The following NDUFAF7 variants were observed in gnomAD, a reference collection of about 807,000 sequenced individuals.
NDUFAF7 encodes NADH:ubiquinone oxidoreductase complex assembly factor 7.
In NDUFAF7, 48 loss-of-function variants were observed where a neutral mutation model predicts 47.2. The ratio of observed to expected loss-of-function variants is 1.02; its 90% CI spans 0.81 to 1.29. NDUFAF7 has a LOEUF of 1.29. Among genes scored for constraint, NDUFAF7 ranks in the 50% most tolerant of loss-of-function variants. The pLI is 0.00. For synonymous variants in NDUFAF7, 217 were observed against 190.0 expected, an observed-to-expected ratio of 1.14 and a Z score of -1.17; for missense variants, 635 against 537.6, an observed-to-expected ratio of 1.18 and a Z score of -1.79.
In NDUFAF7 at chr2:37,231,774, C is replaced by A. The variant is rs1286273639; in HGVS notation, c.55+14C>A. The A allele has an allele frequency of 6.2e-7, 1 of 1,613,942 alleles. No homozygotes were observed. The highest frequency in any genetic ancestry group is 8.5e-7 in the Non-Finnish European group (1 of 1,180,018). ...TGGCGCGCGCAGGTAAGCGTCAGTCCCCTCGAAGCCCGGTTGCCGTGGAAG... is the reference window on the plus strand; with the variant it reads ...TGGCGCGCGCAGGTAAGCGTCAGTCACCTCGAAGCCCGGTTGCCGTGGAAG... On this transcript the variant is annotated intron_variant, in intron 1 of 9. Transcript: ENST00000002125.
chr2:37,256,691 G>T, downstream of NDUFAF7: 1 of 1,480,854 alleles, frequency 6.8e-7, no homozygotes, highest in South Asian at 1.2e-5. Context: ...CCATGGATTT[G>T]GTGGGTACAT....
intron 2 of NDUFAF7, among the ~76,000 whole-genome samples, chr2:37,233,544 C>T (rs886922481): frequency 2.0e-5 from 3 of 151,776 alleles, no homozygotes; most frequent in African/African-American, 7.3e-5. Context: ...ATCGCTTGAA[C>T]CCGGGACGCA....
intron 3 of NDUFAF7, among the ~76,000 whole-genome samples, chr2:37,236,763 T>A (rs1445502132): frequency 1.4e-5 from 2 of 141,912 alleles, no homozygotes; most frequent in African/African-American, 2.6e-5. Context: ...CCTCGGCGAC[T>A]GAGCAAAACT....
chr2:37,259,434 T>G, the NDUFAF7 span: 1 of 530,370 alleles, frequency 1.9e-6, no homozygotes. Context: ...ATTTAGTTAT[T>G]AATCCTCACT....
downstream of NDUFAF7, among the ~76,000 whole-genome samples, chr2:37,253,724 T>C (rs557215568): frequency 2.6e-5 from 4 of 152,326 alleles, no homozygotes; most frequent in East Asian, 1.9e-4. Context: ...TAGTAACTGG[T>C]AGATGAGATT....
the NDUFAF7 span, among the ~76,000 whole-genome samples, chr2:37,271,063 C>G: frequency 6.6e-6 from 1 of 152,000 alleles, no homozygotes; most frequent in Non-Finnish European, 1.5e-5. Context: ...TGTTCTATCT[C>G]CAATAACACT....
At chr2:37,249,982 T>C (rs369506326), downstream of NDUFAF7, among the ~76,000 whole-genome samples, 22 of 151,992 alleles carry the variant, frequency 1.4e-4, no homozygotes, top group East Asian at 4.3e-3. Context: ...AGCCTTTGAA[T>C]GTGGACCAAC....
chr2:37,270,362 A>AC, the NDUFAF7 span, among the ~76,000 whole-genome samples: 18 of 151,642 alleles, frequency 1.2e-4, no homozygotes, highest in South Asian at 4.2e-4. Flanking sequence ...AAAAAAAAAA[A>AC]AAAAAACTCA....
chr2:37,253,409 TTTTTG>T (rs1044041424), downstream of NDUFAF7: 392 of 1,467,672 alleles, frequency 2.7e-4, no homozygotes, highest in Non-Finnish European at 3.2e-4. Flanking sequence ...GTCAACCTGG[TTTTTG>T]TTTTGTGTTT....
downstream of NDUFAF7, among the ~76,000 whole-genome samples, chr2:37,249,907 C>CT (rs1667344111): frequency 6.6e-6 from 1 of 151,830 alleles, no homozygotes; most frequent in Admixed American, 6.6e-5. Context: ...TGAACTGTTG[C>CT]TTTTTATTGC....
chr2:37,253,139 T>A (rs749570736), downstream of NDUFAF7: 2 of 1,542,860 alleles, frequency 1.3e-6, no homozygotes, highest in South Asian at 2.4e-5. Flanking sequence ...TATCAGTCCA[T>A]AAAATGAAAT....
chr2:37,262,614 A>G, the NDUFAF7 span, among the ~76,000 whole-genome samples: 1 of 152,164 alleles, frequency 6.6e-6, no homozygotes, highest in Non-Finnish European at 1.5e-5. Flanking sequence ...GAATATTATA[A>G]CTTTTATCAA....
At chr2:37,254,413 A>T, downstream of NDUFAF7, 9 of 681,944 alleles carry the variant, frequency 1.3e-5, no homozygotes, top group South Asian at 1.5e-4. Flanking sequence ...CTTCTCAAGG[A>T]CGTGGACTTT....
At position 37,241,039 on chromosome 2, in the gene NDUFAF7, G is replaced by A. The variant is rs1179419978; in HGVS notation, c.409-539G>A. On this transcript the variant is annotated intron_variant, in intron 4 of 9. Transcript: ENST00000002125. ...TGCTATTGATTTTTTAGCCTTAAAAGATTGGTAAAATATTAGTATTTTCCT... is the reference window on the plus strand; with the variant it reads ...TGCTATTGATTTTTTAGCCTTAAAAAATTGGTAAAATATTAGTATTTTCCT... Among the ~76,000 whole-genome samples, 11 of 152,132 alleles carry A rather than the reference G, an allele frequency of 7.2e-5. No homozygotes were observed. In the East Asian group the frequency reaches 1.2e-3, roughly 16 times the overall value.
chr2:37,249,907 C>G (rs925696191), downstream of NDUFAF7, among the ~76,000 whole-genome samples: 1 of 151,830 alleles, frequency 6.6e-6, no homozygotes, highest in African/African-American at 2.4e-5. Context: ...TGAACTGTTG[C>G]TTTTTATTGC....
the NDUFAF7 span, among the ~76,000 whole-genome samples, chr2:37,266,769 C>T: frequency 2.0e-5 from 3 of 151,976 alleles, no homozygotes; most frequent in South Asian, 4.2e-4. Flanking sequence ...ATTATAGGTG[C>T]GCACCACCTC....
chr2:37,254,382 T>C, downstream of NDUFAF7: 1 of 917,602 alleles, frequency 1.1e-6, no homozygotes, highest in South Asian at 1.4e-5. Context: ...CCCATAGAAA[T>C]ACAGGGTTGA....
the NDUFAF7 span, among the ~76,000 whole-genome samples, chr2:37,264,472 G>A: frequency 7.0e-6 from 1 of 142,622 alleles, no homozygotes; most frequent in African/African-American, 2.5e-5. Flanking sequence ...CTAGTATGAA[G>A]GTGATAAGTG....
chr2:37,253,098 C>A (rs1667644159), downstream of NDUFAF7: 2 of 1,386,384 alleles, frequency 1.4e-6, no homozygotes, highest in Admixed American at 4.1e-5. Flanking sequence ...CTGCAGATGA[C>A]AATCTACAAA....
Sources: gnomAD v4.1 joint callset for allele counts (sites outside exome capture counted in the v4.1 genomes callset) on GRCh38, gnomAD v4.1.1 for gene constraint, MANE v1.5 for transcripts, NCBI Gene and HGNC (gene_info 2026-07-23, HGNC 2026-07-21) for gene names.